ELFN1: variants seen among roughly 807,000 people sequenced by gnomAD.
The protein encoded by ELFN1 is extracellular leucine rich repeat and fibronectin type III domain containing 1, also known as protein ELFN1.
Under a neutral mutation model 7.6 loss-of-function variants are expected in ELFN1, and 6 were observed. The ratio of observed to expected loss-of-function variants is 0.79; its 90% CI spans 0.43 to 1.56. The LOEUF (loss-of-function observed/expected upper bound fraction) is 1.56, where lower values mean the gene tolerates loss of function less well. ELFN1 is among the 40% of genes most tolerant of loss of function. The probability of loss-of-function intolerance (pLI) is 0.01; values close to 1 mark genes in which losing one functional copy is unlikely to be tolerated. For synonymous variants in ELFN1, 657 were observed against 588.1 expected (o/e 1.12, Z -1.70); for missense variants, 1,169 against 1,232.2 (o/e 0.95, Z 0.77).
rs746017807 is a variant in ELFN1, at chr7:1,745,406, A to G, written c.810A>G (p.Ser270=). The change falls in exon 4 of 4, where the codon TCA becomes TCG. Residue 270 remains serine, a synonymous_variant. Transcript: ENST00000424383. ...CCCCACGTCCAGCATCCGGGCGCTC[A>G]CAGCCGGGCCGCTCCCCGCCGCCCC... ...VGPPRPASGR[S]QPGRSPPPPP... 1.3e-6 allele frequency: 2 copies of G among 1,538,974 alleles called. No homozygotes were observed. Among genetic ancestry groups the G allele is most frequent in the South Asian group, 2.4e-5 (2 of 83,934 alleles).
intron 3 of ELFN1, among the ~76,000 whole-genome samples, chr7:1,711,660 G>A (rs189541936): frequency 1.3e-5 from 2 of 150,436 alleles, no homozygotes; most frequent in East Asian, 2.0e-4. Context: ...CTCGGAAACG[G>A]AAATCCCAGT....
chr7:1,745,752 G>A lies in ELFN1; in HGVS notation c.1156G>A (p.Ala386Thr), dbSNP rs1259997471. ...NYTYCVVSTSAGLRHNHTCLT... is the reference protein window; with the variant it reads ...NYTYCVVSTSTGLRHNHTCLT... ...CACCTACTGCGTGGTGTCCACCAGC[G>A]CCGGGCTGCGCCACAACCACACCTG... is the stretch of plus-strand genomic sequence containing the variant. The change falls in exon 4 of 4, where the codon GCC becomes ACC. Residue 386 changes from alanine to threonine, a missense_variant. By Grantham distance (58) the Ala-to-Thr change is moderately conservative. Around this residue, in one of 2 missense-constraint regions of ELFN1, gnomAD observed 914 missense variants for 872.6 expected, o/e 1.05. Coordinates refer to ENST00000424383, the MANE Select transcript of ELFN1 (RefSeq NM_001128636.4). 17 of 1,551,382 alleles carry A rather than the reference G, an allele frequency of 1.1e-5. No homozygotes were observed. Among genetic ancestry groups the A allele is most frequent in the East Asian group, 2.4e-5 (1 of 40,918 alleles).
Position 1,747,108 on chromosome 7 carries a change from C to A in ELFN1, c.*25C>A, listed in dbSNP as rs1476926443. ...AGCCCCCCAAGACCGGCGATGCCCA[C>A]TGGACCAAAAAGGATGCAGGATCCA... On this transcript the variant is annotated 3_prime_UTR_variant, in exon 4 of 4. Transcript: ENST00000424383. The A allele has an allele frequency of 6.9e-7, 1 of 1,446,270 alleles. No individual in the cohort carries two copies. The highest frequency in any genetic ancestry group is 2.6e-5 in the Admixed American group (1 of 37,986). 89.6% of individuals were successfully genotyped at this position (1,446,270 alleles called of 1,614,324 possible).
intron 2 of ELFN1, among the ~76,000 whole-genome samples, chr7:1,706,762 C>A (rs1562367778): frequency 6.6e-6 from 1 of 152,236 alleles, no homozygotes; most frequent in Non-Finnish European, 1.5e-5. Context: ...CTGGCTTCTA[C>A]AGGGTGGATG....
intron 3 of ELFN1, among the ~76,000 whole-genome samples, chr7:1,724,913 C>T (rs1780143398): frequency 6.6e-6 from 1 of 151,462 alleles, no homozygotes; most frequent in Non-Finnish European, 1.5e-5. Flanking sequence ...TCTTCATCGC[C>T]TTACCTCACA....
intron 3 of ELFN1, among the ~76,000 whole-genome samples, chr7:1,728,262 C>A (rs1398796596): frequency 6.6e-6 from 1 of 152,266 alleles, no homozygotes; most frequent in East Asian, 1.9e-4. Flanking sequence ...ACTGCAGTAG[C>A]CCCTGTGGAG....
At chr7:1,721,019 C>T (rs1490378227) in intron 3 of ELFN1, among the ~76,000 whole-genome samples, 1 of 152,182 alleles carries the variant, frequency 6.6e-6, no homozygotes, top group East Asian at 1.9e-4. Context: ...AGACTTTCCA[C>T]GTCATGGTAT....
At chr7:1,720,727 A>G (rs1052824244) in intron 3 of ELFN1, among the ~76,000 whole-genome samples, 1 of 49,604 alleles carries the variant, frequency 2.0e-5, no homozygotes, top group African/African-American at 7.6e-5. Context: ...TCCTCCCCCC[A>G]GCACCCCCCA....
At chr7:1,737,398 G>T (rs796550674) in intron 3 of ELFN1, among the ~76,000 whole-genome samples, 28 of 152,304 alleles carry the variant, frequency 1.8e-4, no homozygotes, top group African/African-American at 6.7e-4. Flanking sequence ...GGCACAGCAG[G>T]CGGTAGACTG....
At chr7:1,725,709 G>T (rs1171127807) in intron 3 of ELFN1, among the ~76,000 whole-genome samples, 4 of 152,166 alleles carry the variant, frequency 2.6e-5, no homozygotes, top group Non-Finnish European at 2.9e-5. Context: ...GTGCACGTCT[G>T]TGTGTGCACG....
chr7:1,689,755 G>T (rs928279742), intron 2 of ELFN1, among the ~76,000 whole-genome samples: 2 of 152,224 alleles, frequency 1.3e-5, no homozygotes, highest in Non-Finnish European at 2.9e-5. Flanking sequence ...CAGGTGGCGA[G>T]TGCTACACTG....
intron 3 of ELFN1, among the ~76,000 whole-genome samples, chr7:1,744,068 C>T (rs1478867883): frequency 6.6e-6 from 1 of 152,162 alleles, no homozygotes; most frequent in African/African-American, 2.4e-5. Flanking sequence ...CCGAGGAGAC[C>T]CCTCCACGGG....
chr7:1,679,897 T>G (rs1258345020), intron 1 of ELFN1, among the ~76,000 whole-genome samples: 4 of 152,222 alleles, frequency 2.6e-5, no homozygotes, highest in Non-Finnish European at 5.9e-5. Context: ...CACAGGGCCC[T>G]GGCACCCAGA....
chr7:1,720,183 C>T (rs1355137775), intron 3 of ELFN1, among the ~76,000 whole-genome samples: 1 of 152,258 alleles, frequency 6.6e-6, no homozygotes, highest in Non-Finnish European at 1.5e-5. Flanking sequence ...ACCCTCTGCC[C>T]ATTTTCCCTG....
rs749941799 is a variant in ELFN1 at position 1,746,495 on chromosome 7, C to T, written c.1899C>T (p.Ala633=). Residue 633 remains alanine, a synonymous_variant, in exon 4 of 4, where the codon GCC becomes GCT. Transcript: ENST00000424383. ...SLQRHHSVEA[A]GPPRASTSSS... ...AGCGGCACCACAGCGTGGAGGCCGC[C>T]GGGCCCCCTCGTGCCAGCACCTCGT... is the stretch of plus-strand genomic sequence containing the variant. 8.0e-6 allele frequency: 12 copies of T among 1,493,972 alleles called. No homozygotes were observed. The highest frequency in any genetic ancestry group is 7.8e-5 in the East Asian group (3 of 38,348). The allele number at this position is 1,493,972 out of a possible 1,614,324, so 92.5% of individuals were successfully genotyped here.
At chr7:1,730,919 G>GA (rs1049923135) in intron 3 of ELFN1, among the ~76,000 whole-genome samples, 1 of 151,886 alleles carries the variant, frequency 6.6e-6, no homozygotes, top group African/African-American at 2.4e-5. Flanking sequence ...AAGCAACTGA[G>GA]AAAAAAAATG....
intron 2 of ELFN1, among the ~76,000 whole-genome samples, chr7:1,700,805 C>T (rs775262850): frequency 7.2e-5 from 11 of 152,310 alleles, no homozygotes; most frequent in East Asian, 1.9e-4. Context: ...GCCGGTCTGG[C>T]GGGTGTGTCC....
rs539694919 is a variant in ELFN1, at chr7:1,713,364, G to A, written c.-294+4112G>A. Among the ~76,000 whole-genome samples, 10 of 152,322 alleles carry A rather than the reference G, an allele frequency of 6.6e-5. No homozygotes were observed. The South Asian group carries it at 2.1e-3, about 32-fold the overall frequency. On this transcript the variant is annotated intron_variant, in intron 3 of 3. Transcript: ENST00000424383. ...GTGCGGTCTGACGGTGGAGGCAGCC[G>A]CTCCGCTGAGTCTTCCTCAGGAACT...
At position 1,723,298 on chromosome 7, in the gene ELFN1, G is replaced by A. The variant is rs142629695; in HGVS notation, c.-294+14046G>A. Among the ~76,000 whole-genome samples, 667 of 152,306 alleles carry A rather than the reference G, an allele frequency of 4.4e-3. 5 individuals carry two copies. The highest frequency in any genetic ancestry group is 0.015 in the African/African-American group (644 of 41,552). ...GTTCAGTGGATTTGCGGTGTTGTGCGACAGACCTCCACAACGTTATCGTGA... is the reference window on the plus strand; with the variant it reads ...GTTCAGTGGATTTGCGGTGTTGTGCAACAGACCTCCACAACGTTATCGTGA... On this transcript the variant is annotated intron_variant, in intron 3 of 3. Transcript: ENST00000424383.
Sources: gnomAD v4.1 joint callset for allele counts (sites outside exome capture counted in the v4.1 genomes callset) on GRCh38, gnomAD v4.1.1 for gene constraint, gnomAD v4.1.1 regional missense constraint, MANE v1.5 for transcripts, NCBI Gene and HGNC (gene_info 2026-07-23, HGNC 2026-07-21) for gene names.